ZDHHC7: variants seen among roughly 807,000 people sequenced by gnomAD.
ZDHHC7 encodes palmitoyltransferase ZDHHC7.
Under a neutral mutation model 34.1 loss-of-function variants are expected in ZDHHC7, and 12 were observed. That is an observed-to-expected ratio of 0.35 (90% CI 0.23 to 0.57). The LOEUF (loss-of-function observed/expected upper bound fraction) is 0.57, where lower values mean the gene tolerates loss of function less well. Among genes scored for constraint, ZDHHC7 ranks in the 20% least tolerant of loss-of-function variants. The pLI is 0.84. For missense variants in ZDHHC7, 388 were observed against 402.7 expected (o/e 0.96, Z 0.31); for synonymous variants, 185 against 155.4 (o/e 1.19, Z -1.42).
intron 1 of ZDHHC7, among the ~76,000 whole-genome samples, chr16:85,000,600 G>A (rs1026043849): frequency 6.6e-6 from 1 of 152,166 alleles, no homozygotes; most frequent in Non-Finnish European, 1.5e-5. Flanking sequence ...ACTTGTCGTT[G>A]CTTTACTGTT....
Position 84,990,575 on chromosome 16 carries a change from G to A in ZDHHC7, c.44C>T (p.Pro15Leu), listed in dbSNP as rs765930037. ...ATAGTTGTCATTTTCAGCCAGGAGA[G>A]GATGATGCTCGACGTCCCGGAGCCT... ...GHRLRDVEHH[P>L]LLAENDNYDS... Residue 15 changes from proline to leucine, a missense_variant, in exon 3 of 8, where the codon CCT becomes CTT. Coordinates refer to ENST00000313732, the MANE Select transcript of ZDHHC7 (RefSeq NM_017740.3). 3 of 1,613,972 alleles carry A rather than the reference G, an allele frequency of 1.9e-6. No homozygotes were observed. Among genetic ancestry groups the A allele is most frequent in the Non-Finnish European group, 1.7e-6 (2 of 1,180,048 alleles).
At chr16:85,002,477 TCAAA>T (rs1279573875) in intron 1 of ZDHHC7, among the ~76,000 whole-genome samples, 2 of 151,790 alleles carry the variant, frequency 1.3e-5, no homozygotes, top group African/African-American at 4.8e-5. Flanking sequence ...AAGGAAAATA[TCAAA>T]CAAGTCCCAA....
intron 6 of ZDHHC7, among the ~76,000 whole-genome samples, chr16:84,977,434 G>C (rs2072312681): frequency 6.6e-6 from 1 of 152,230 alleles, no homozygotes; most frequent in Admixed American, 6.5e-5. Context: ...TTCCTGGCCA[G>C]TGGTTTCAAA....
At chr16:85,005,483 G>C (rs1376081686) in intron 1 of ZDHHC7, among the ~76,000 whole-genome samples, 4 of 152,162 alleles carry the variant, frequency 2.6e-5, no homozygotes, top group Non-Finnish European at 5.9e-5. Context: ...CTCATTTTCA[G>C]GATGACAAAA....
intron 6 of ZDHHC7, 65 bp from the exon 7 acceptor site, chr16:84,977,290 C>T: frequency 6.3e-7 from 1 of 1,591,024 alleles, no homozygotes; most frequent in Non-Finnish European, 8.6e-7. Flanking sequence ...ATGTTTGGCT[C>T]AGAGAAGAAT....
the ZDHHC7 span, among the ~76,000 whole-genome samples, chr16:85,025,422 G>C: frequency 8.6e-5 from 13 of 150,560 alleles, no homozygotes; most frequent in East Asian, 7.8e-4. Flanking sequence ...TCCTTTTTTG[G>C]GGGGGGGGAC....
At chr16:84,990,121 G>A (rs186446531) in intron 3 of ZDHHC7, among the ~76,000 whole-genome samples, 183 bp downstream of exon 3, 3 of 152,180 alleles carry the variant, frequency 2.0e-5, no homozygotes, top group Non-Finnish European at 2.9e-5. Flanking sequence ...ACTGCGCTAG[G>A]TCTGGCCTAT....
chr16:84,980,418 C>G (rs1372554184), intron 4 of ZDHHC7, among the ~76,000 whole-genome samples: 1 of 151,956 alleles, frequency 6.6e-6, no homozygotes, highest in Non-Finnish European at 1.5e-5. Context: ...GCCTGTAATC[C>G]CAGCACTTTG....
chr16:84,984,284 G>C (rs1387177933), intron 3 of ZDHHC7, among the ~76,000 whole-genome samples: 1 of 152,132 alleles, frequency 6.6e-6, no homozygotes, highest in Non-Finnish European at 1.5e-5. Context: ...GCTTCTCAAA[G>C]TGCTAGGATT....
intron 4 of ZDHHC7, among the ~76,000 whole-genome samples, chr16:84,981,055 G>A (rs76274065): frequency 5.3e-5 from 8 of 152,302 alleles, no homozygotes; most frequent in Non-Finnish European, 1.2e-4. Context: ...CACTGTCCAG[G>A]TGCAGCCTGT....
chr16:84,994,018 G>T (rs967653768), intron 2 of ZDHHC7, among the ~76,000 whole-genome samples: 1 of 152,198 alleles, frequency 6.6e-6, no homozygotes, highest in African/African-American at 2.4e-5. Flanking sequence ...GACTGTCAGG[G>T]GGCTGAGAAA....
upstream of ZDHHC7, among the ~76,000 whole-genome samples, chr16:85,012,747 A>C (rs1245325172): frequency 6.6e-6 from 1 of 152,030 alleles, no homozygotes; most frequent in South Asian, 2.1e-4. Context: ...TCTACTAAAA[A>C]TACAAAAATT....
chr16:85,007,858 C>G (rs943412994), intron 1 of ZDHHC7, among the ~76,000 whole-genome samples: 1 of 152,040 alleles, frequency 6.6e-6, no homozygotes, highest in African/African-American at 2.4e-5. Flanking sequence ...TTAACCAGGC[C>G]AGGCACAGTA....
chr16:85,013,299 G>A (rs1022010714), upstream of ZDHHC7, among the ~76,000 whole-genome samples: 2 of 152,092 alleles, frequency 1.3e-5, no homozygotes, highest in African/African-American at 4.8e-5. Flanking sequence ...CTGGAGTGCA[G>A]TGGTGCAATC....
chr16:85,022,323 C>G, the ZDHHC7 span, among the ~76,000 whole-genome samples: 1 of 152,026 alleles, frequency 6.6e-6, no homozygotes, highest in Non-Finnish European at 1.5e-5. Flanking sequence ...GAGTTCGAGA[C>G]CAGCCTGGCC....
At chr16:85,004,833 G>T (rs576200539) in intron 1 of ZDHHC7, 2 of 152,356 alleles carry the variant, frequency 1.3e-5, no homozygotes, top group Non-Finnish European at 2.9e-5. Context: ...GAGGCCCAAA[G>T]GAGCCTGGCA....
chr16:84,976,655 C>A, intron 7 of ZDHHC7, 136 bp from the exon 8 acceptor site: 1 of 1,264,920 alleles, frequency 7.9e-7, no homozygotes, highest in Non-Finnish European at 1.1e-6. Context: ...CTTCCCAGCT[C>A]TGCCCCGATC....
intron 2 of ZDHHC7, among the ~76,000 whole-genome samples, chr16:84,994,710 G>T (rs2072554201): frequency 6.6e-6 from 1 of 152,168 alleles, no homozygotes; most frequent in Admixed American, 6.5e-5. Flanking sequence ...CACTGGCCAT[G>T]GCAGGACGTT....
chr16:85,027,466 C>A, the ZDHHC7 span, among the ~76,000 whole-genome samples: 1 of 152,144 alleles, frequency 6.6e-6, no homozygotes, highest in Admixed American at 6.5e-5. Flanking sequence ...GCTTCCCATG[C>A]CCCCAACTAA....
Sources: gnomAD v4.1 joint callset for allele counts (sites outside exome capture counted in the v4.1 genomes callset) on GRCh38, gnomAD v4.1.1 for gene constraint, MANE v1.5 for transcripts, NCBI Gene and HGNC (gene_info 2026-07-23, HGNC 2026-07-21) for gene names.